SPOCK1: variants seen among roughly 807,000 people sequenced by gnomAD.
The protein encoded by SPOCK1 is testican-1.
SPOCK1 carries 23 observed loss-of-function variants against 55.3 expected under a neutral mutation model. The ratio of observed to expected loss-of-function variants is 0.42; its 90% CI spans 0.30 to 0.59. SPOCK1 has a LOEUF of 0.59. SPOCK1 is among the 20% of genes least tolerant of loss of function. The probability of loss-of-function intolerance (pLI) is 0.22; values close to 1 mark genes in which losing one functional copy is unlikely to be tolerated. For missense variants in SPOCK1, 499 were observed against 552.5 expected (o/e 0.90, Z 0.97); for synonymous variants, 226 against 221.0 (o/e 1.02, Z -0.20).
At chr5:137,001,174 G>A (rs1456822851) in intron 6 of SPOCK1, among the ~76,000 whole-genome samples, 1 of 152,124 alleles carries the variant, frequency 6.6e-6, no homozygotes, top group Non-Finnish European at 1.5e-5. Context: ...GGACCACGAG[G>A]AGAATGAAAC....
intron 3 of SPOCK1, among the ~76,000 whole-genome samples, chr5:137,259,745 C>A (rs1756710698): frequency 6.8e-6 from 1 of 147,692 alleles, no homozygotes; most frequent in South Asian, 2.1e-4. Context: ...CAAATGTATA[C>A]AATAAGCTTA....
At chr5:137,271,004 A>AAAAT (rs1006098454) in intron 2 of SPOCK1, among the ~76,000 whole-genome samples, 22 of 107,788 alleles carry the variant, frequency 2.0e-4, no homozygotes, top group Non-Finnish European at 3.5e-4. Context: ...ACTCTGTCTC[A>AAAAT]AAATTAATTA....
intron 2 of SPOCK1, among the ~76,000 whole-genome samples, chr5:137,388,880 A>T (rs937983914): frequency 6.6e-6 from 1 of 152,242 alleles, no homozygotes; most frequent in African/African-American, 2.4e-5. Flanking sequence ...CAGCTGTGAC[A>T]CTGACAAGAA....
rs542704636 is a variant in SPOCK1 at position 137,411,946 on chromosome 5, A to G, written c.186+86427T>C. 1.1e-4 allele frequency among the ~76,000 whole-genome samples: 16 copies of G among 152,332 alleles called. No individual in the cohort carries two copies. The South Asian group carries it at 3.1e-3, about 30-fold the overall frequency. ...CCTAGCCCTCACCTACGCAGTAAAG[A>G]AAAGGTCCGCGTGGCTATCACAGCA... On this transcript the variant is annotated intron_variant, in intron 2 of 10. Transcript: ENST00000394945.
chr5:137,083,201 G>A lies in SPOCK1; in HGVS notation c.475-15372C>T, dbSNP rs147234335. The stretch of plus-strand genomic sequence containing the variant: ...TCATGTCATTGCCACAGATAATTAA[G>A]CTTATCAATTATCTCCTTTCCTTCA... On this transcript the variant is annotated intron_variant, in intron 5 of 10. Transcript: ENST00000394945. 3.7e-3 allele frequency among the ~76,000 whole-genome samples: 557 copies of A among 152,246 alleles called. 9 individuals are homozygous for A. Among genetic ancestry groups the A allele is most frequent in the Middle Eastern group, 0.027 (8 of 294 alleles).
chr5:136,984,383 G>A (rs1750799278), intron 9 of SPOCK1, among the ~76,000 whole-genome samples: 1 of 88,402 alleles, frequency 1.1e-5, no homozygotes, highest in South Asian at 2.8e-4. Context: ...ATGCTTCACG[G>A]GAATAATTCT....
At chr5:137,474,744 T>C (rs960299297) in intron 2 of SPOCK1, among the ~76,000 whole-genome samples, 12 of 152,148 alleles carry the variant, frequency 7.9e-5, no homozygotes, top group Middle Eastern at 3.2e-3. Context: ...CACAGTGATG[T>C]CCATGACAAC....
At chr5:136,984,306 ATTTCCTTCAAAT>A (rs944332499) in intron 9 of SPOCK1, among the ~76,000 whole-genome samples, 2 of 151,120 alleles carry the variant, frequency 1.3e-5, no homozygotes, top group African/African-American at 4.9e-5. Context: ...TTCTCTATTC[ATTTCCTTCAAAT>A]GAATAGAGAA....
At chr5:137,407,825 G>A (rs1752131929) in intron 2 of SPOCK1, among the ~76,000 whole-genome samples, 1 of 152,144 alleles carries the variant, frequency 6.6e-6, no homozygotes, top group African/African-American at 2.4e-5. Flanking sequence ...CCTATGTCAG[G>A]TCACATCATT....
At chr5:137,331,852 A>G (rs1048097849) in intron 2 of SPOCK1, among the ~76,000 whole-genome samples, 1 of 152,142 alleles carries the variant, frequency 6.6e-6, no homozygotes, top group African/African-American at 2.4e-5. Flanking sequence ...AATCCAAAAC[A>G]TATCAACCTG....
chr5:137,020,270 A>G (rs1316570227), intron 6 of SPOCK1, among the ~76,000 whole-genome samples: 2 of 151,822 alleles, frequency 1.3e-5, no homozygotes, highest in Non-Finnish European at 3.0e-5. Context: ...ATATAAAAGG[A>G]TAAAATTTTA....
At chr5:136,999,294 C>T (rs1244266386) in intron 6 of SPOCK1, among the ~76,000 whole-genome samples, 2 of 152,024 alleles carry the variant, frequency 1.3e-5, no homozygotes, top group Non-Finnish European at 2.9e-5. Context: ...AGTTAGACTC[C>T]CCGGGCAGTA....
At position 137,103,153 on chromosome 5, in the gene SPOCK1, G is replaced by T. The variant is rs190781862; in HGVS notation, c.474+9282C>A. Among the ~76,000 whole-genome samples, 633 of 152,052 alleles carry T rather than the reference G, an allele frequency of 4.2e-3. 7 individuals carry two copies. Among genetic ancestry groups the T allele is most frequent in the African/African-American group, 0.014 (597 of 41,478 alleles). Reference sequence around the variant, plus strand: ...TTACAGGTGCCTACCACCACGCCCGGCTGACTTTTGTATTTTTAGTAGAGA... The same window carrying T: ...TTACAGGTGCCTACCACCACGCCCGTCTGACTTTTGTATTTTTAGTAGAGA... On this transcript the variant is annotated intron_variant, in intron 5 of 10. Coordinates refer to ENST00000394945, the MANE Select transcript of SPOCK1 (RefSeq NM_004598.4).
At chr5:137,271,918 C>A (rs994710849) in intron 2 of SPOCK1, among the ~76,000 whole-genome samples, 1 of 152,124 alleles carries the variant, frequency 6.6e-6, no homozygotes, top group South Asian at 2.1e-4. Context: ...TGATGATTAC[C>A]TGAGATAATA....
At chr5:137,261,497 T>C (rs1479331936) in intron 3 of SPOCK1, among the ~76,000 whole-genome samples, 3 of 152,188 alleles carry the variant, frequency 2.0e-5, no homozygotes, top group Non-Finnish European at 4.4e-5. Flanking sequence ...TATAATAGAC[T>C]GGAAGTCAAA....
intron 9 of SPOCK1, among the ~76,000 whole-genome samples, chr5:136,984,807 TTTGAGCAC>T (rs1750807676): frequency 1.3e-5 from 2 of 152,198 alleles, no homozygotes; most frequent in Admixed American, 1.3e-4. Context: ...GACCTTATAG[TTTGAGCAC>T]TTGAGAGCAC....
intron 2 of SPOCK1, among the ~76,000 whole-genome samples, chr5:137,280,736 C>T (rs927810591): frequency 6.6e-6 from 1 of 152,074 alleles, no homozygotes; most frequent in Non-Finnish European, 1.5e-5. Flanking sequence ...TCTTGCAAGT[C>T]GAAGACTCTA....
At chr5:137,402,404 A>G (rs6869979) in intron 2 of SPOCK1, among the ~76,000 whole-genome samples, 41 of 152,384 alleles carry the variant, frequency 2.7e-4, no homozygotes, top group Middle Eastern at 3.4e-3. Flanking sequence ...TAATTTAGTC[A>G]GCATTTTTAA....
chr5:137,467,933 T>C (rs950152976), intron 2 of SPOCK1, among the ~76,000 whole-genome samples: 7 of 152,238 alleles, frequency 4.6e-5, no homozygotes, highest in African/African-American at 1.4e-4. Context: ...ATGGTTTAGG[T>C]TGGATCTACA....
Sources: allele counts gnomAD v4.1 joint callset (sites outside exome capture counted in the v4.1 genomes callset), GRCh38; gene constraint gnomAD v4.1.1; transcripts MANE v1.5; gene names NCBI Gene and HGNC (gene_info 2026-07-23, HGNC 2026-07-21).